The following FHIT variants were observed in gnomAD, a reference collection of about 807,000 sequenced individuals.
FHIT encodes the protein bis(5'-adenosyl)-triphosphatase.
A neutral mutation model predicts 17.9 loss-of-function variants in FHIT; 19 were observed. The ratio of observed to expected loss-of-function variants is 1.06; its 90% CI spans 0.74 to 1.56. FHIT has a LOEUF of 1.56. Ranked by LOEUF, FHIT falls within the 40% of genes most tolerant of loss-of-function variation. FHIT has a pLI of 0.00. For synonymous variants in FHIT, 81 were observed against 69.7 expected (o/e 1.16, Z -0.81); for missense variants, 248 against 189.2 (o/e 1.31, Z -1.82).
At chr3:60,471,923 T>C (rs933899610) in intron 5 of FHIT, among the ~76,000 whole-genome samples, 12 of 152,080 alleles carry the variant, frequency 7.9e-5, no homozygotes, top group Non-Finnish European at 1.3e-4. Flanking sequence ...AATAAAGAGA[T>C]TAGGCTGACA....
intron 4 of FHIT, among the ~76,000 whole-genome samples, chr3:60,669,360 T>C (rs2040459117): frequency 6.6e-6 from 1 of 152,180 alleles, no homozygotes; most frequent in South Asian, 2.1e-4. Context: ...GGTCATCACT[T>C]CCCTCTGGTC....
chr3:60,005,692 G>T (rs774954550), intron 7 of FHIT, among the ~76,000 whole-genome samples: 1 of 152,184 alleles, frequency 6.6e-6, no homozygotes, highest in African/African-American at 2.4e-5. Context: ...AATTCTTCAT[G>T]CAGGAAATAC....
At chr3:61,009,342 T>A (rs2031658040) in intron 3 of FHIT, among the ~76,000 whole-genome samples, 1 of 152,216 alleles carries the variant, frequency 6.6e-6, no homozygotes. Flanking sequence ...CCTGTTTTTG[T>A]GTTTTCTTCT....
At chr3:60,604,937 C>T (rs1387577374) in intron 4 of FHIT, among the ~76,000 whole-genome samples, 1 of 152,116 alleles carries the variant, frequency 6.6e-6, no homozygotes, top group Non-Finnish European at 1.5e-5. Context: ...AGTAACCTGC[C>T]CAAGGTCCAT....
chr3:60,693,091 C>T (rs115791771), intron 4 of FHIT, among the ~76,000 whole-genome samples: 7,133 of 152,150 alleles, frequency 0.047, 267 homozygotes, highest in Non-Finnish European at 0.072. Context: ...TTAGTGGCAG[C>T]GACTTCTTTT....
chr3:60,622,028 C>T lies in FHIT; in HGVS notation c.-17-85049G>A, dbSNP rs111560780. Among the ~76,000 whole-genome samples, 116 of 152,188 alleles carry T rather than the reference C, an allele frequency of 7.6e-4. 1 individual carries two copies. The highest frequency in any genetic ancestry group is 2.7e-3 in the African/African-American group (113 of 41,534). On this transcript the variant is annotated intron_variant, in intron 4 of 9. Coordinates refer to ENST00000492590, the MANE Select transcript of FHIT (RefSeq NM_002012.4). ...AAGGATTTGAGCTCTCTTAGCTACA[C>T]AAACATAGGAATTGTTATCCCCATC...
rs1265773258 is a variant in FHIT at position 60,828,351 on chromosome 3, T to G, written c.-110-6340A>C. ...TAACCTTACTTTCATTTTAATCCAT[T>G]ATTCAATTTTCCTTCAACGCTCATT... On this transcript the variant is annotated intron_variant, in intron 3 of 9. Coordinates refer to ENST00000492590, the MANE Select transcript of FHIT (RefSeq NM_002012.4). Among the ~76,000 whole-genome samples, 3 of 152,188 alleles carry G rather than the reference T, an allele frequency of 2.0e-5. No individual in the cohort carries two copies. The East Asian group carries it at 5.8e-4, about 29-fold the overall frequency.
chr3:60,506,105 T>C (rs953847801), intron 5 of FHIT, among the ~76,000 whole-genome samples: 1 of 152,222 alleles, frequency 6.6e-6, no homozygotes, highest in African/African-American at 2.4e-5. Flanking sequence ...GAAAATTTAA[T>C]AGTCTTTTCC....
chr3:60,746,466 C>T lies in FHIT; in HGVS notation c.-18+75453G>A, dbSNP rs577875286. Among the ~76,000 whole-genome samples the T allele has an allele frequency of 3.9e-5, 6 of 152,290 alleles. 1 individual carries two copies. The East Asian group carries it at 7.7e-4, about 20-fold the overall frequency. ...GCGACAGCAGCGGCCTATGGTTCCGCCACACAATGCTTCATTCATTCCTTA... is the reference window on the plus strand; with the variant it reads ...GCGACAGCAGCGGCCTATGGTTCCGTCACACAATGCTTCATTCATTCCTTA... On this transcript the variant is annotated intron_variant, in intron 4 of 9. Coordinates refer to ENST00000492590, the MANE Select transcript of FHIT (RefSeq NM_002012.4).
chr3:59,897,379 C>T (rs1704117223), intron 8 of FHIT, among the ~76,000 whole-genome samples: 1 of 152,178 alleles, frequency 6.6e-6, no homozygotes, highest in Non-Finnish European at 1.5e-5. Flanking sequence ...CTCCAGAATC[C>T]CCTTCCTCTT....
At chr3:60,080,936 CCTTT>C (rs1474885756) in intron 5 of FHIT, 1 of 152,100 alleles carries the variant, frequency 6.6e-6, no homozygotes, top group Non-Finnish European at 1.5e-5. Context: ...GTTCTAGTCT[CCTTT>C]CTGAGTTTTG....
chr3:60,212,647 A>G (rs1703508817), intron 5 of FHIT, among the ~76,000 whole-genome samples: 1 of 152,064 alleles, frequency 6.6e-6, no homozygotes, highest in Admixed American at 6.5e-5. Context: ...TAGTAAGATA[A>G]GAAAAAATCT....
At chr3:60,929,467 C>A (rs1201982193) in intron 3 of FHIT, among the ~76,000 whole-genome samples, 1 of 152,136 alleles carries the variant, frequency 6.6e-6, no homozygotes, top group Non-Finnish European at 1.5e-5. Context: ...AAAACCCCAT[C>A]ATCTCAGCCC....
chr3:60,330,032 T>A (rs1363784409), intron 5 of FHIT, among the ~76,000 whole-genome samples: 1 of 152,240 alleles, frequency 6.6e-6, no homozygotes, highest in Non-Finnish European at 1.5e-5. Context: ...CCGATTGTGG[T>A]AATCCAACAT....
chr3:61,043,326 G>C (rs1392971389), intron 2 of FHIT, among the ~76,000 whole-genome samples: 2 of 151,396 alleles, frequency 1.3e-5, no homozygotes, highest in Admixed American at 6.5e-5. Context: ...AGCTCGGAGG[G>C]TCCCACGCCT....
chr3:61,127,222 G>T (rs2036632346), intron 2 of FHIT, among the ~76,000 whole-genome samples: 1 of 152,148 alleles, frequency 6.6e-6, no homozygotes, highest in Non-Finnish European at 1.5e-5. Context: ...AGTGACAGGT[G>T]ACAGTAGCTT....
At chr3:60,007,983 G>C (rs1393886312) in intron 7 of FHIT, among the ~76,000 whole-genome samples, 1 of 152,154 alleles carries the variant, frequency 6.6e-6, no homozygotes, top group African/African-American at 2.4e-5. Context: ...AAAATACTCA[G>C]TATGCAGAGC....
intron 5 of FHIT, among the ~76,000 whole-genome samples, chr3:60,214,378 A>T (rs768794164): frequency 5.9e-5 from 9 of 151,952 alleles, no homozygotes; most frequent in Non-Finnish European, 7.4e-5. Flanking sequence ...AAAGCTTTTT[A>T]AAAAAAACTA....
At chr3:60,800,464 C>T (rs782444946) in intron 4 of FHIT, among the ~76,000 whole-genome samples, 19 of 152,176 alleles carry the variant, frequency 1.2e-4, no homozygotes, top group Non-Finnish European at 2.4e-4. Context: ...CTGACTCTTA[C>T]ATCCCACTCA....
Sources: gnomAD v4.1 joint callset for allele counts (sites outside exome capture counted in the v4.1 genomes callset) on GRCh38, gnomAD v4.1.1 for gene constraint, MANE v1.5 for transcripts, NCBI Gene and HGNC (gene_info 2026-07-23, HGNC 2026-07-21) for gene names.